The following RBM25 variants were observed in gnomAD, a reference collection of about 807,000 sequenced individuals.
RBM25 encodes the protein RNA binding motif protein 25.
Under a neutral mutation model 120.7 loss-of-function variants are expected in RBM25, and 19 were observed. The observed-to-expected ratio is 0.16, with a 90% CI of 0.11 to 0.23. RBM25 has a LOEUF of 0.23. RBM25 is among the 10% of genes least tolerant of loss of function. The pLI is 1.00. For missense variants in RBM25, 605 were observed against 1,041.5 expected (o/e 0.58, Z 5.77); for synonymous variants, 390 against 326.7 (o/e 1.19, Z -2.09).
chr14:73,082,888 C>T (rs574436334), intron 4 of RBM25, among the ~76,000 whole-genome samples: 3 of 150,608 alleles, frequency 2.0e-5, no homozygotes, highest in South Asian at 2.1e-4. Flanking sequence ...GGTGAAACCC[C>T]GTCTCTACTA....
intron 18 of RBM25, among the ~76,000 whole-genome samples, chr14:73,116,039 A>C (rs950987047): frequency 6.6e-6 from 1 of 152,066 alleles, no homozygotes; most frequent in Non-Finnish European, 1.5e-5. Flanking sequence ...ACAGTGGATA[A>C]GGTGGTGAGA....
chr14:73,120,039 T>C lies in RBM25; in HGVS notation c.*234T>C. 2 of 463,430 alleles carry C rather than the reference T, an allele frequency of 4.3e-6. No individual in the cohort carries two copies. The highest frequency in any genetic ancestry group is 7.2e-6 in the Non-Finnish European group (2 of 278,682). The allele number at this position is 463,430 out of a possible 1,614,324, so 28.7% of individuals were successfully genotyped here. A position where few individuals can be genotyped will look rare whatever the true frequency, so the allele number is the denominator to read the frequency against. ...ACCAGGTACAAATTACTGGTATGTT[T>C]TATAAGCCGCAGCTACTGTACACAG... On this transcript the variant is annotated 3_prime_UTR_variant, in exon 19 of 19. Coordinates refer to ENST00000261973, the MANE Select transcript of RBM25 (RefSeq NM_021239.3).
At chr14:73,112,663 A>G (rs1896335976) in intron 17 of RBM25, among the ~76,000 whole-genome samples, 1 of 152,128 alleles carries the variant, frequency 6.6e-6, no homozygotes, top group South Asian at 2.1e-4. Context: ...CTCCTTTGTC[A>G]GTCACCCATC....
chr14:73,086,797 C>G (rs1403820014), intron 5 of RBM25, among the ~76,000 whole-genome samples: 1 of 152,080 alleles, frequency 6.6e-6, no homozygotes, highest in African/African-American at 2.4e-5. Flanking sequence ...TTCTGCCTCC[C>G]GGGTTCAAGC....
chr14:73,118,004 G>T (rs189456554), intron 18 of RBM25, among the ~76,000 whole-genome samples: 1 of 152,308 alleles, frequency 6.6e-6, no homozygotes, highest in Admixed American at 6.5e-5. Flanking sequence ...CATAAGTAGA[G>T]AGGAAGACAA....
chr14:73,100,945 G>A (rs548960624), intron 9 of RBM25: 12 of 152,188 alleles, frequency 7.9e-5, no homozygotes, highest in Admixed American at 2.0e-4. Flanking sequence ...GCTTAAAAAT[G>A]GTATATGGTT....
intron 10 of RBM25, 93 bp from the exon 11 acceptor site, chr14:73,105,766 A>G (rs1367028658): frequency 2.0e-6 from 3 of 1,530,230 alleles, no homozygotes; most frequent in Non-Finnish European, 2.6e-6. Flanking sequence ...GTGAGATTTT[A>G]TATTATTTCA....
In RBM25 at chr14:73,123,111, A is replaced by G. The variant is rs545425325; in HGVS notation, c.*3306A>G. The G allele has an allele frequency of 6.6e-6, 1 of 152,108 alleles. No individual in the cohort carries two copies. The highest frequency in any genetic ancestry group is 2.1e-4 in the South Asian group (1 of 4,824). The allele number at this position is 152,108 out of a possible 1,614,324, so 9.4% of individuals were successfully genotyped here. ...GTTGTAACTTATTCTGAATCTTATT[A>G]TGGCATTTCCCTGTAAACTATGTAA... is the stretch of plus-strand genomic sequence containing the variant. On this transcript the variant is annotated 3_prime_UTR_variant, in exon 19 of 19. Coordinates refer to ENST00000261973, the MANE Select transcript of RBM25 (RefSeq NM_021239.3).
intron 1 of RBM25, among the ~76,000 whole-genome samples, chr14:73,062,027 T>A (rs998520203): frequency 6.6e-6 from 1 of 151,348 alleles, no homozygotes; most frequent in East Asian, 1.9e-4. Context: ...ACCATATTAA[T>A]GCTGAATGGA....
chr14:73,076,948 G>T (rs987496970), intron 3 of RBM25, among the ~76,000 whole-genome samples: 1 of 152,196 alleles, frequency 6.6e-6, no homozygotes, highest in African/African-American at 2.4e-5. Flanking sequence ...AGGCTTGGTG[G>T]TGCGCGCCTG....
At chr14:73,099,280 T>C in intron 7 of RBM25, 100 bp from the exon 8 acceptor site, 3 of 1,027,042 alleles carry the variant, frequency 2.9e-6, no homozygotes, top group Non-Finnish European at 4.3e-6. Flanking sequence ...AGAAGTGTAC[T>C]GTATTGTTCA....
chr14:73,094,590 C>T (rs1241638708), intron 6 of RBM25, among the ~76,000 whole-genome samples: 1 of 151,448 alleles, frequency 6.6e-6, no homozygotes, highest in Non-Finnish European at 1.5e-5. Flanking sequence ...TGGGACCATG[C>T]CCGGCTAATT....
chr14:73,098,985 G>A (rs1896006665), intron 7 of RBM25, among the ~76,000 whole-genome samples: 1 of 152,196 alleles, frequency 6.6e-6, no homozygotes, highest in African/African-American at 2.4e-5. Context: ...ATTGAGGCCT[G>A]TAGAATTCAT....
intron 2 of RBM25, among the ~76,000 whole-genome samples, chr14:73,075,092 G>T (rs1273038920): frequency 6.6e-5 from 10 of 151,600 alleles, no homozygotes; most frequent in Admixed American, 4.0e-4. Context: ...CCGCAGCCTT[G>T]AACTCCTGGG....
intron 2 of RBM25, among the ~76,000 whole-genome samples, chr14:73,072,604 A>T (rs939732524): frequency 3.3e-5 from 5 of 151,250 alleles, no homozygotes; most frequent in African/African-American, 1.2e-4. Flanking sequence ...TTTGGCACTC[A>T]TTTAAGCATG....
chr14:73,103,678 A>G (rs1751335839), intron 10 of RBM25, among the ~76,000 whole-genome samples, 200 bp downstream of exon 10: 1 of 151,722 alleles, frequency 6.6e-6, no homozygotes, highest in South Asian at 2.1e-4. Context: ...TCAGCCTCCC[A>G]AGTAGCTGGG....
At position 73,118,709 on chromosome 14, in the gene RBM25, T is replaced by G. The variant is rs141667893; in HGVS notation, c.2440-1004T>G. ...ACAAAAATATGGTACTCTTTGTGTT[T>G]AGTAAGCCATGGAATTTTGAATGAT... On this transcript the variant is annotated intron_variant, in intron 18 of 18. Transcript: ENST00000261973. Among the ~76,000 whole-genome samples, 908 of 152,182 alleles carry G rather than the reference T, an allele frequency of 6.0e-3. 11 individuals are homozygous for G. The highest frequency in any genetic ancestry group is 0.021 in the African/African-American group (860 of 41,506).
intron 6 of RBM25, among the ~76,000 whole-genome samples, chr14:73,093,823 A>G (rs113689131): frequency 1.3e-5 from 2 of 150,828 alleles, no homozygotes; most frequent in Non-Finnish European, 1.5e-5. Context: ...TTTCTGAAGT[A>G]TAAGAAAAAA....
intron 1 of RBM25, among the ~76,000 whole-genome samples, chr14:73,071,302 C>T (rs1043965974): frequency 6.7e-6 from 1 of 150,218 alleles, no homozygotes; most frequent in African/African-American, 2.4e-5. Context: ...TCTGAATTCT[C>T]AGTTTGGTCT....
Sources: gnomAD v4.1 joint callset for allele counts (sites outside exome capture counted in the v4.1 genomes callset) on GRCh38, gnomAD v4.1.1 for gene constraint, MANE v1.5 for transcripts, NCBI Gene and HGNC (gene_info 2026-07-23, HGNC 2026-07-21) for gene names.